Variants in NRG1 observed in about 807,000 individuals in gnomAD.
NRG1 encodes pro-neuregulin-1, membrane-bound isoform.
A neutral mutation model predicts 63.8 loss-of-function variants in NRG1; 18 were observed. The ratio of observed to expected loss-of-function variants is 0.28; its 90% CI spans 0.19 to 0.42. The LOEUF is 0.42. Ranked by LOEUF, NRG1 falls within the 10% of genes least tolerant of loss-of-function variation. The pLI is 1.00. For missense variants in NRG1, 762 were observed against 814.7 expected (o/e 0.94, Z 0.79); for synonymous variants, 302 against 301.3 (o/e 1.00, Z -0.02).
At chr8:32,565,435 A>G (rs1486353580) in intron 1 of NRG1, among the ~76,000 whole-genome samples, 4 of 152,108 alleles carry the variant, frequency 2.6e-5, no homozygotes, top group Admixed American at 2.0e-4. Flanking sequence ...ACTTTAACTA[A>G]AAGTACGTTG....
At position 31,642,603 on chromosome 8, in the gene NRG1, C is replaced by T. The variant is rs1803904118; in HGVS notation, c.37+3172C>T. The stretch of plus-strand genomic sequence containing the variant: ...CTTCATTGAAGGTACTTAGTTTTGT[C>T]CCTCAGTTTGCCAGTCAAAAGAAAT... On this transcript the variant is annotated intron_variant, in intron 1 of 10. Transcript: ENST00000519301. Among the ~76,000 whole-genome samples, 3 of 152,244 alleles carry T rather than the reference C, an allele frequency of 2.0e-5. No homozygotes were observed. The South Asian group carries it at 6.2e-4, about 32-fold the overall frequency.
chr8:32,382,912 A>C (rs1810524875), intron 1 of NRG1, among the ~76,000 whole-genome samples: 1 of 152,132 alleles, frequency 6.6e-6, no homozygotes. Flanking sequence ...TTTAAAATAA[A>C]AATAATATGA....
intron 1 of NRG1, among the ~76,000 whole-genome samples, chr8:31,981,493 A>G (rs887251180): frequency 6.6e-6 from 1 of 152,030 alleles, no homozygotes; most frequent in Non-Finnish European, 1.5e-5. Flanking sequence ...AGAGTGAACT[A>G]TATTTTTCCA....
chr8:31,693,453 C>A (rs1344776756), intron 1 of NRG1, among the ~76,000 whole-genome samples: 1 of 151,574 alleles, frequency 6.6e-6, no homozygotes, highest in Non-Finnish European at 1.5e-5. Context: ...GTGTTATATG[C>A]TGGTTATAGA....
chr8:31,749,186 A>T (rs1816196617), intron 1 of NRG1, among the ~76,000 whole-genome samples: 2 of 151,898 alleles, frequency 1.3e-5, no homozygotes, highest in Middle Eastern at 3.2e-3. Context: ...CTCTAGAAAA[A>T]TACATATAAA....
chr8:32,576,554 T>TA (rs1405342338), intron 1 of NRG1, among the ~76,000 whole-genome samples: 1 of 152,058 alleles, frequency 6.6e-6, no homozygotes, highest in South Asian at 2.1e-4. Flanking sequence ...CATTTTTTCT[T>TA]AAAAAAACAA....
rs915872365 is a variant in NRG1, at chr8:32,686,147, T to C, written c.503-41802T>C. On this transcript the variant is annotated intron_variant, in intron 5 of 11. Transcript: ENST00000356819. ...TTAGTTTTTTACTTCTGGTTAGTGC[T>C]GTCTCCTTGATTGTGGCAAATGCAA... Among the ~76,000 whole-genome samples, 2 of 152,238 alleles carry C rather than the reference T, an allele frequency of 1.3e-5. 1 individual carries two copies. Among genetic ancestry groups the C allele is most frequent in the Middle Eastern group, 6.3e-3 (2 of 316 alleles).
At chr8:31,921,983 C>T (rs758823197) in intron 1 of NRG1, among the ~76,000 whole-genome samples, 8 of 152,108 alleles carry the variant, frequency 5.3e-5, no homozygotes, top group Non-Finnish European at 1.0e-4. Flanking sequence ...TTTCCCTGAA[C>T]ACACATTGTG....
Position 32,759,452 on chromosome 8 carries a change from A to T in NRG1, c.1052+16A>T, listed in dbSNP as rs1830292478. On this transcript the variant is annotated intron_variant, in intron 10 of 11. Coordinates refer to ENST00000356819, the Ensembl canonical transcript of NRG1. ...CTAGCCACAGGTATGAGAATTTAAA[A>T]ATTCCACGGCTTTTCTCTCAGAATG... is the stretch of plus-strand genomic sequence containing the variant. 6.2e-7 allele frequency: 1 copy of T among 1,608,932 alleles called. No homozygotes were observed. Among genetic ancestry groups the T allele is most frequent in the African/African-American group, 1.3e-5 (1 of 74,868 alleles).
rs1228378461 is a variant in NRG1, at chr8:32,412,443, TATATATATAC to T, written c.38-183375_38-183366del. Reference sequence around the variant, plus strand: ...CTCTACATATATATATATATATATATATATATATACATATATATATATATATATATATGAA... The same window carrying T: ...CTCTACATATATATATATATATATATATATATATATATATATATATATGAA... On this transcript the variant is annotated intron_variant, in intron 1 of 10. Coordinates refer to the NRG1 transcript ENST00000519301. Among the ~76,000 whole-genome samples, 35 of 54,544 alleles carry T rather than the reference TATATATATAC, an allele frequency of 6.4e-4. 1 individual carries two copies. Among genetic ancestry groups the T allele is most frequent in the African/African-American group, 1.7e-3 (33 of 19,704 alleles). 35.8% of individuals were successfully genotyped at this position (54,544 alleles called of 152,430 possible).
intron 1 of NRG1, among the ~76,000 whole-genome samples, chr8:32,538,684 A>G (rs538652113): frequency 1.3e-5 from 2 of 152,352 alleles, no homozygotes; most frequent in East Asian, 3.9e-4. Context: ...GAAAGATTTC[A>G]AAACCCTTCA....
intron 1 of NRG1, among the ~76,000 whole-genome samples, chr8:32,259,271 C>T (rs1332079955): frequency 6.6e-6 from 1 of 152,176 alleles, no homozygotes; most frequent in Non-Finnish European, 1.5e-5. Flanking sequence ...GAGATGGGGC[C>T]TTTAACAGGC....
At chr8:32,056,447 A>G (rs957473616) in intron 1 of NRG1, among the ~76,000 whole-genome samples, 1 of 152,158 alleles carries the variant, frequency 6.6e-6, no homozygotes, top group Non-Finnish European at 1.5e-5. Flanking sequence ...CCTCTCTCCA[A>G]AAATGTGTAT....
intron 1 of NRG1, among the ~76,000 whole-genome samples, chr8:32,353,144 T>C (rs1407856604): frequency 6.6e-6 from 1 of 150,504 alleles, no homozygotes; most frequent in East Asian, 1.9e-4. Flanking sequence ...ATTGCACTGG[T>C]ATCTGAAAAA....
intron 1 of NRG1, among the ~76,000 whole-genome samples, chr8:31,669,525 C>G (rs993191422): frequency 6.6e-6 from 1 of 152,142 alleles, no homozygotes; most frequent in South Asian, 2.1e-4. Flanking sequence ...AGACATGAGA[C>G]ACTGCACTCA....
In NRG1 at chr8:32,105,459, TACTC is replaced by T. The variant is rs747336527; in HGVS notation, c.37+466032_37+466035del. ...TGAAACCATCAGATCTCGTGAGACTTACTCACTATCACAAGAATAGCATGGCAAA... is the reference window on the plus strand; with the variant it reads ...TGAAACCATCAGATCTCGTGAGACTTACTATCACAAGAATAGCATGGCAAA... On this transcript the variant is annotated intron_variant, in intron 1 of 10. Transcript: ENST00000519301. Among the ~76,000 whole-genome samples the T allele has an allele frequency of 8.5e-5, 13 of 152,184 alleles. No individual in the cohort carries two copies. The South Asian group carries it at 1.2e-3, about 15-fold the overall frequency.
intron 5 of NRG1, chr8:32,721,918 A>C: frequency 6.6e-7 from 1 of 1,508,068 alleles, no homozygotes. Flanking sequence ...CAGTCTGCTC[A>C]TTATACCTAA....
chr8:32,393,727 T>TG (rs1812073112), intron 1 of NRG1, among the ~76,000 whole-genome samples: 1 of 110,160 alleles, frequency 9.1e-6, no homozygotes, highest in Non-Finnish European at 2.0e-5. Flanking sequence ...CACTGGGGCC[T>TG]ATTGAGGGTG....
At position 32,300,103 on chromosome 8, in the gene NRG1, C is replaced by T. The variant is rs146983861; in HGVS notation, c.38-295725C>T. On this transcript the variant is annotated intron_variant, in intron 1 of 10. Transcript: ENST00000519301. The stretch of plus-strand genomic sequence containing the variant: ...CATGACTTCATTGTTCTCCCCCACA[C>T]CTTCTCTACCATCAGATTTCACCCA... 2.8e-3 allele frequency among the ~76,000 whole-genome samples: 426 copies of T among 152,226 alleles called. 3 individuals are homozygous for T. The highest frequency in any genetic ancestry group is 5.1e-3 in the Non-Finnish European group (345 of 68,018).
Sources: allele counts gnomAD v4.1 joint callset (sites outside exome capture counted in the v4.1 genomes callset), GRCh38; gene constraint gnomAD v4.1.1; transcripts MANE v1.5; gene names NCBI Gene and HGNC (gene_info 2026-07-23, HGNC 2026-07-21).